NECTIN4: variants seen among roughly 807,000 people sequenced by gnomAD.
NECTIN4 encodes nectin cell adhesion molecule 4.
Under a neutral mutation model 51.7 loss-of-function variants are expected in NECTIN4, and 19 were observed. That is an observed-to-expected ratio of 0.37 (90% CI 0.26 to 0.54). The LOEUF (loss-of-function observed/expected upper bound fraction) is 0.54. Among genes scored for constraint, NECTIN4 ranks in the 20% least tolerant of loss-of-function variants. The pLI, the probability that NECTIN4 is intolerant of heterozygous loss-of-function variation, is 0.86. For missense variants in NECTIN4, 619 were observed against 662.4 expected (o/e 0.93, Z 0.72); for synonymous variants, 283 against 286.9 (o/e 0.99, Z 0.14).
In NECTIN4 at chr1:161,077,700, C is replaced by T. The variant is rs1384378905; in HGVS notation, c.483G>A (p.Glu161=). The T allele has an allele frequency of 1.2e-6, 2 of 1,612,290 alleles. No homozygotes were observed. Among genetic ancestry groups the T allele is most frequent in the African/African-American group, 1.3e-5 (1 of 74,912 alleles). The change falls in exon 3 of 9, where the codon GAG becomes GAA. Residue 161 remains glutamate (E), a synonymous_variant. Transcript: ENST00000368012. ...AGGCTGCCAGGGTCAGGCCCTGGCC[C>T]TCTTCTAGTGCTGGACCAGGATTCA... ...PSLNPGPALE[E]GQGLTLAASC... is the part of the protein sequence containing the mutation.
At chr1:161,073,852 G>T in intron 6 of NECTIN4, 57 bp from the exon 7 acceptor site, 2 of 1,504,298 alleles carry the variant, frequency 1.3e-6, no homozygotes, top group Non-Finnish European at 1.8e-6. Context: ...CCCAAGGTGA[G>T]CCTATCCTGG....
At chr1:161,083,081 C>T (rs1032267509) in intron 1 of NECTIN4, among the ~76,000 whole-genome samples, 5 of 152,168 alleles carry the variant, frequency 3.3e-5, no homozygotes, top group Non-Finnish European at 4.4e-5. Flanking sequence ...AATGTCAATC[C>T]TCCATGTTCT....
At position 161,089,488 on chromosome 1, in the gene NECTIN4, C is replaced by G. The variant is rs567486325; in HGVS notation, c.-192G>C. 1.3e-5 allele frequency: 8 copies of G among 620,494 alleles called. No individual in the cohort carries two copies. The highest frequency in any genetic ancestry group is 1.2e-4 in the Admixed American group (5 of 40,252). 38.4% of individuals were successfully genotyped at this position (620,494 alleles called of 1,614,324 possible). A position where few individuals can be genotyped will look rare whatever the true frequency, so the allele number is the denominator to read the frequency against. ...TCTACACACCCAGCCGTAGCTACCC[C>G]CAAGAAGCCGTGATCGGGAGCTCCG... is the stretch of plus-strand genomic sequence containing the variant. On this transcript the variant is annotated 5_prime_UTR_variant, in exon 1 of 9. Transcript: ENST00000368012. The surrounding 1 kb of genome is among the most constrained non-coding windows in gnomAD (Gnocchi z 4.1).
chr1:161,075,227 T>G (rs548208164), intron 4 of NECTIN4, among the ~76,000 whole-genome samples: 4 of 152,328 alleles, frequency 2.6e-5, no homozygotes, highest in African/African-American at 7.2e-5. Context: ...GCCCATGATG[T>G]GCTCACACAC....
chr1:161,083,299 A>C (rs1006637157), intron 1 of NECTIN4, among the ~76,000 whole-genome samples: 1 of 152,182 alleles, frequency 6.6e-6, no homozygotes, highest in Non-Finnish European at 1.5e-5. Context: ...AAGAGAAGAG[A>C]AAATAGAATT....
chr1:161,077,705 C>G lies in NECTIN4; in HGVS notation c.478G>C (p.Glu160Gln). 1.2e-6 allele frequency: 2 copies of G among 1,612,160 alleles called. 1 individual carries two copies. The highest frequency in any genetic ancestry group is 3.3e-4 in the Middle Eastern group (2 of 6,060). Residue 160 changes from glutamate (E) to glutamine (Q), a missense_variant, in exon 3 of 9, where the codon GAA becomes CAA. Glu to Gln is a conservative substitution (Grantham distance 29). Coordinates refer to ENST00000368012, the MANE Select transcript of NECTIN4 (RefSeq NM_030916.3). ...LPSLNPGPAL[E>Q]EGQGLTLAAS... Reference sequence around the variant, plus strand: ...GCCAGGGTCAGGCCCTGGCCCTCTTCTAGTGCTGGACCAGGATTCAGTGAG... The same window carrying G: ...GCCAGGGTCAGGCCCTGGCCCTCTTGTAGTGCTGGACCAGGATTCAGTGAG...
At chr1:161,078,022 C>G (rs1653497732) in intron 2 of NECTIN4, among the ~76,000 whole-genome samples, 1 of 152,158 alleles carries the variant, frequency 6.6e-6, no homozygotes, top group South Asian at 2.1e-4. Context: ...TAACCACCAT[C>G]TAGTAAGCAT....
rs1165029104 is a variant in NECTIN4, at chr1:161,075,128, A to G, written c.852-369T>C. Among the ~76,000 whole-genome samples, 3 of 152,168 alleles carry G rather than the reference A, an allele frequency of 2.0e-5. No homozygotes were observed. In the East Asian group the frequency reaches 5.8e-4, roughly 29 times the overall value. ...TTGGAAAATGTGACTGCCTGCTCCA[A>G]CACCCGTGATGTTGCATGGCAGGAT... On this transcript the variant is annotated intron_variant, in intron 4 of 8. Coordinates refer to ENST00000368012, the MANE Select transcript of NECTIN4 (RefSeq NM_030916.3).
At position 161,079,723 on chromosome 1, in the gene NECTIN4, C is replaced by T; in HGVS notation, c.306G>A (p.Pro102=). 7 of 1,609,064 alleles carry T rather than the reference C, an allele frequency of 4.4e-6. No individual in the cohort carries two copies. The highest frequency in any genetic ancestry group is 5.1e-6 in the Non-Finnish European group (6 of 1,179,706). ...AGCCGTCCAGGGGGTTGCGTGGGGG[C>T]GGCGGCTGCTCCACGCGGCCCTCGT... is the stretch of plus-strand genomic sequence containing the variant. ...PAYEGRVEQP[P]PPRNPLDGSV... is the part of the protein sequence containing the mutation. Residue 102 remains proline, a synonymous_variant, in exon 2 of 9, where the codon CCG becomes CCA. Transcript: ENST00000368012.
At chr1:161,081,819 A>T (rs1256724472) in intron 1 of NECTIN4, among the ~76,000 whole-genome samples, 1 of 12,358 alleles carries the variant, frequency 8.1e-5, no homozygotes, top group Non-Finnish European at 1.6e-4. Flanking sequence ...CCCCCACCCC[A>T]GGCAGCATTA....
At chr1:161,086,034 C>T (rs1653929894) in intron 1 of NECTIN4, among the ~76,000 whole-genome samples, 1 of 152,156 alleles carries the variant, frequency 6.6e-6, no homozygotes, top group Non-Finnish European at 1.5e-5. Context: ...GGCTTCTCTA[C>T]TCCCTTCCCT....
rs1571168045 is a variant in NECTIN4 at position 161,089,526 on chromosome 1, G to A, written c.-230C>T. On this transcript the variant is annotated 5_prime_UTR_variant, in exon 1 of 9. Coordinates refer to ENST00000368012, the MANE Select transcript of NECTIN4 (RefSeq NM_030916.3). This position sits in a 1 kb window ranked among gnomAD's most constrained non-coding sequence, Gnocchi z 4.1. ...ATCGGGAGCTCCGAGCTCCCCCAGA[G>A]CTGCTTCCCACGCTGTGGCCAACAA... is the stretch of plus-strand genomic sequence containing the variant. 1.7e-6 allele frequency: 1 copy of A among 577,420 alleles called. No individual in the cohort carries two copies. The highest frequency in any genetic ancestry group is 3.1e-6 in the Non-Finnish European group (1 of 322,378). The allele number at this position is 577,420 out of a possible 1,614,324, so 35.8% of individuals were successfully genotyped here.
At position 161,082,629 on chromosome 1, in the gene NECTIN4, C is replaced by G. The variant is rs116102952; in HGVS notation, c.80-2680G>C. On this transcript the variant is annotated intron_variant, in intron 1 of 8. Coordinates refer to ENST00000368012, the MANE Select transcript of NECTIN4 (RefSeq NM_030916.3). Reference sequence around the variant, plus strand: ...GAGGGAAGAAGGATGCTGAGAGGGCCCAGATGGGACAGGATAGACCTGCAG... The same window carrying G: ...GAGGGAAGAAGGATGCTGAGAGGGCGCAGATGGGACAGGATAGACCTGCAG... 2.8e-3 allele frequency among the ~76,000 whole-genome samples: 427 copies of G among 152,116 alleles called. 2 individuals are homozygous for G. Among genetic ancestry groups the G allele is most frequent in the African/African-American group, 9.7e-3 (404 of 41,482 alleles).
chr1:161,073,662 C>A, intron 7 of NECTIN4, 58 bp downstream of exon 7: 1 of 1,421,354 alleles, frequency 7.0e-7, no homozygotes, highest in South Asian at 1.1e-5. Context: ...GGCCCAGGCA[C>A]AAGCAGACCC....
chr1:161,084,098 G>A (rs558489172), intron 1 of NECTIN4, among the ~76,000 whole-genome samples: 44 of 152,360 alleles, frequency 2.9e-4, no homozygotes, highest in African/African-American at 1.0e-3. Flanking sequence ...AGTTTTTTGT[G>A]TATGGGGAGC....
intron 6 of NECTIN4, 95 bp from the exon 7 acceptor site, chr1:161,073,890 G>T: frequency 1.7e-6 from 2 of 1,152,840 alleles, no homozygotes; most frequent in Non-Finnish European, 1.3e-6. Context: ...GGCCCGGAGG[G>T]TGTGGGTGCC....
intron 5 of NECTIN4, 113 bp from the exon 6 acceptor site, chr1:161,074,486 A>T: frequency 6.3e-7 from 1 of 1,581,674 alleles, no homozygotes; most frequent in African/African-American, 1.3e-5. Context: ...ATTCTCTGCA[A>T]GACACACAGC....
In NECTIN4 at chr1:161,089,260, C is replaced by T; in HGVS notation, c.37G>A (p.Glu13Lys). 1 of 1,611,914 alleles carries T rather than the reference C, an allele frequency of 6.2e-7. No homozygotes were observed. Among genetic ancestry groups the T allele is most frequent in the Non-Finnish European group, 8.5e-7 (1 of 1,180,004 alleles). ...LSLGAEMWGP[E>K]AWLLLLLLLA... ...AGTAGCAGCAGCAGCAGCCAGGCCT[C>T]AGGCCCCCACATCTCGGCTCCCAGG... Residue 13 changes from glutamate to lysine, a missense_variant, in exon 1 of 9, where the codon GAG becomes AAG. By Grantham distance (56) the Glu-to-Lys change is moderately conservative (BLOSUM62 1). Coordinates refer to ENST00000368012, the MANE Select transcript of NECTIN4 (RefSeq NM_030916.3). This position sits in a 1 kb window ranked among gnomAD's most constrained non-coding sequence, Gnocchi z 4.1.
At chr1:161,073,649 A>C (rs1451827274) in intron 7 of NECTIN4, 71 bp downstream of exon 7, 1 of 1,285,604 alleles carries the variant, frequency 7.8e-7, no homozygotes, top group East Asian at 2.3e-5. Flanking sequence ...TGGTCTGCAG[A>C]GGGGCCCAGG....
Sources: allele counts gnomAD v4.1 joint callset (sites outside exome capture counted in the v4.1 genomes callset), GRCh38; gene constraint gnomAD v4.1.1; non-coding constraint Gnocchi (gnomAD v3.1); transcripts MANE v1.5; gene names NCBI Gene and HGNC (gene_info 2026-07-23, HGNC 2026-07-21).